MGAT3: variants seen among roughly 807,000 people sequenced by gnomAD.
The protein encoded by MGAT3 is GlcNAc-T III.
MGAT3 carries 9 observed loss-of-function variants against 29.8 expected under a neutral mutation model. The observed-to-expected ratio is 0.30, with a 90% CI of 0.18 to 0.53. MGAT3 has a LOEUF of 0.53. Among genes scored for constraint, MGAT3 ranks in the 20% least tolerant of loss-of-function variants. MGAT3 has a pLI of 0.96. For missense variants in MGAT3, 557 were observed against 769.5 expected (o/e 0.72, Z 3.27); for synonymous variants, 397 against 348.9 (o/e 1.14, Z -1.54).
At chr22:39,470,405 AGT>A (rs1928774425) in intron 1 of MGAT3, among the ~76,000 whole-genome samples, 1 of 152,114 alleles carries the variant, frequency 6.6e-6, no homozygotes, top group Admixed American at 6.6e-5. Flanking sequence ...GAAGGTGGGG[AGT>A]GTGGCTGGAG....
At chr22:39,469,525 C>T (rs182759527) in intron 1 of MGAT3, among the ~76,000 whole-genome samples, 8 of 152,274 alleles carry the variant, frequency 5.3e-5, no homozygotes, top group East Asian at 1.9e-4. Flanking sequence ...GGGTAGGTGC[C>T]GGGGGAACAG....
chr22:39,489,264 C>A lies in MGAT3; in HGVS notation c.*315C>A, dbSNP rs1179812789. ...TCCCTGGGTAGCGGGGGAGGGTAGG[C>A]AGGATTGGGGAAGAGAGCCTGCAGG... On this transcript the variant is annotated 3_prime_UTR_variant, in exon 2 of 2. Transcript: ENST00000341184. 2.5e-6 allele frequency: 1 copy of A among 402,284 alleles called. No homozygotes were observed. Among genetic ancestry groups the A allele is most frequent in the South Asian group, 4.2e-5 (1 of 23,620 alleles). The allele number at this position is 402,284 out of a possible 1,614,324, so 24.9% of individuals were successfully genotyped here.
intron 1 of MGAT3, among the ~76,000 whole-genome samples, chr22:39,485,846 A>T (rs564693748): frequency 1.8e-3 from 273 of 152,348 alleles, no homozygotes; most frequent in Non-Finnish European, 3.4e-3. Flanking sequence ...GAATGAGAAT[A>T]TACAAGCATC....
At chr22:39,469,580 T>C (rs1928750341) in intron 1 of MGAT3, among the ~76,000 whole-genome samples, 1 of 152,144 alleles carries the variant, frequency 6.6e-6, no homozygotes, top group Non-Finnish European at 1.5e-5. Flanking sequence ...GACCTCCACC[T>C]GCCACCTGGT....
chr22:39,473,880 G>C (rs1266681282), intron 1 of MGAT3, among the ~76,000 whole-genome samples: 1 of 152,094 alleles, frequency 6.6e-6, no homozygotes, highest in Non-Finnish European at 1.5e-5. Context: ...TGTGGGCAGG[G>C]GGCAGATGGA....
chr22:39,468,805 G>C (rs537980884), intron 1 of MGAT3, among the ~76,000 whole-genome samples: 2 of 152,156 alleles, frequency 1.3e-5, no homozygotes, highest in South Asian at 2.1e-4. Context: ...TGTGGGACAA[G>C]GGGTTCTGGG....
intron 1 of MGAT3, among the ~76,000 whole-genome samples, chr22:39,477,005 A>G (rs1367722533): frequency 6.6e-6 from 1 of 152,100 alleles, no homozygotes; most frequent in East Asian, 1.9e-4. Flanking sequence ...CTGTCTCCCC[A>G]TGTGGGATCC....
chr22:39,470,419 C>T (rs1297960405), intron 1 of MGAT3, among the ~76,000 whole-genome samples: 3 of 152,182 alleles, frequency 2.0e-5, no homozygotes, highest in Admixed American at 1.3e-4. Flanking sequence ...TGGCTGGAGC[C>T]TGGGGGACAA....
intron 1 of MGAT3, among the ~76,000 whole-genome samples, chr22:39,477,262 G>C (rs1417070215): frequency 6.6e-6 from 1 of 152,236 alleles, no homozygotes; most frequent in East Asian, 1.9e-4. Context: ...ATTCTTACTT[G>C]CAGGCCCTCT....
rs78637094 is a variant in MGAT3 at position 39,477,053 on chromosome 22, A to G, written c.-1-10294A>G. 5.2e-3 allele frequency among the ~76,000 whole-genome samples: 791 copies of G among 152,216 alleles called. 7 individuals carry two copies. Among genetic ancestry groups the G allele is most frequent in the African/African-American group, 0.018 (752 of 41,532 alleles). On this transcript the variant is annotated intron_variant, in intron 1 of 1. Transcript: ENST00000341184. The stretch of plus-strand genomic sequence containing the variant: ...CTGCATTTAGTTTCAGAGTCCGGGG[A>G]GGTGCTCACTGTCTTCTGACTCCTG...
In MGAT3 at chr22:39,489,035, G is replaced by T; in HGVS notation, c.*86G>T. The T allele has an allele frequency of 1.9e-5, 16 of 859,538 alleles. No homozygotes were observed. The highest frequency in any genetic ancestry group is 1.5e-4 in the East Asian group (3 of 20,226). 53.2% of individuals were successfully genotyped at this position (859,538 alleles called of 1,614,324 possible). On this transcript the variant is annotated 3_prime_UTR_variant, in exon 2 of 2. Coordinates refer to ENST00000341184, the MANE Select transcript of MGAT3 (RefSeq NM_002409.5). ...CTCCCTGCCTCCTGCCGGCTCCTTG[G>T]TTCTTGAGGGGACCAGGAGTGGGTG...
intron 1 of MGAT3, among the ~76,000 whole-genome samples, chr22:39,468,758 G>A (rs1352993175): frequency 6.6e-6 from 1 of 151,992 alleles, no homozygotes; most frequent in Non-Finnish European, 1.5e-5. Flanking sequence ...AGTGCTTGAG[G>A]CTGGGGACCC....
chr22:39,469,930 G>A (rs1928761485), intron 1 of MGAT3, among the ~76,000 whole-genome samples: 1 of 152,378 alleles, frequency 6.6e-6, no homozygotes, highest in Admixed American at 6.5e-5. Context: ...CCTGTCAGGT[G>A]TGGGAACTTG....
At chr22:39,474,785 T>C (rs1211747583) in intron 1 of MGAT3, among the ~76,000 whole-genome samples, 1 of 152,250 alleles carries the variant, frequency 6.6e-6, no homozygotes, top group African/African-American at 2.4e-5. Flanking sequence ...CACTGCTCAC[T>C]TCTGGCCTGG....
chr22:39,485,759 A>G (rs1929253715), intron 1 of MGAT3, among the ~76,000 whole-genome samples: 1 of 152,212 alleles, frequency 6.6e-6, no homozygotes, highest in Non-Finnish European at 1.5e-5. Flanking sequence ...ACTGCACTTC[A>G]GCCTGGGCGA....
intron 1 of MGAT3, among the ~76,000 whole-genome samples, chr22:39,481,403 G>A (rs1929123069): frequency 6.6e-6 from 1 of 152,230 alleles, no homozygotes; most frequent in Admixed American, 6.5e-5. Flanking sequence ...GCTGACTAGT[G>A]TGTTTGTAGT....
At chr22:39,473,557 A>G (rs1004385667) in intron 1 of MGAT3, among the ~76,000 whole-genome samples, 1 of 152,118 alleles carries the variant, frequency 6.6e-6, no homozygotes, top group South Asian at 2.1e-4. Context: ...AATTTCCTAC[A>G]TGTGAACGTT....
rs960180839 is a variant in MGAT3, at chr22:39,491,019, C to T, written c.*2070C>T. On this transcript the variant is annotated 3_prime_UTR_variant, in exon 2 of 2. Coordinates refer to ENST00000341184, the MANE Select transcript of MGAT3 (RefSeq NM_002409.5). The surrounding 1 kb of genome is among the most constrained non-coding windows in gnomAD (Gnocchi z 5.5). ...AGCTGAGAGCCCACTACCTCCCCAG[C>T]CCCTCTCGGCCCCAGCCGCATCATC... 2 of 167,214 alleles carry T rather than the reference C, an allele frequency of 1.2e-5. No individual in the cohort carries two copies. Among genetic ancestry groups the T allele is most frequent in the African/African-American group, 4.8e-5 (2 of 41,430 alleles). 10.4% of individuals were successfully genotyped at this position (167,214 alleles called of 1,614,324 possible).
At position 39,488,370 on chromosome 22, in the gene MGAT3, C is replaced by T. The variant is rs775841730; in HGVS notation, c.1023C>T (p.Ala341=). 6.2e-7 allele frequency: 1 copy of T among 1,612,934 alleles called. No homozygotes were observed. Among genetic ancestry groups the T allele is most frequent in the Admixed American group, 1.7e-5 (1 of 60,038 alleles). ...KLYDGWTEPF[A]FHMRKSLYGF... Reference sequence around the variant, plus strand: ...ACGATGGCTGGACCGAGCCCTTCGCCTTCCACATGCGCAAGTCGCTCTACG... The same window carrying T: ...ACGATGGCTGGACCGAGCCCTTCGCTTTCCACATGCGCAAGTCGCTCTACG... The change falls in exon 2 of 2, where the codon GCC becomes GCT. Residue 341 remains alanine, a synonymous_variant. Coordinates refer to ENST00000341184, the MANE Select transcript of MGAT3 (RefSeq NM_002409.5).
Sources: allele counts gnomAD v4.1 joint callset (sites outside exome capture counted in the v4.1 genomes callset), GRCh38; gene constraint gnomAD v4.1.1; non-coding constraint Gnocchi (gnomAD v3.1); transcripts MANE v1.5; gene names NCBI Gene and HGNC (gene_info 2026-07-23, HGNC 2026-07-21).